The following MYH3 variants were observed in gnomAD, a reference collection of about 807,000 sequenced individuals.
The protein encoded by MYH3 is myosin heavy chain 3, also known as myosin-3.
In MYH3, 130 loss-of-function variants were observed where a neutral mutation model predicts 238.0. The observed-to-expected ratio is 0.55, with a 90% CI of 0.47 to 0.63. MYH3 has a LOEUF of 0.63. Among genes scored for constraint, MYH3 ranks in the 30% least tolerant of loss-of-function variants. The probability of loss-of-function intolerance (pLI) is 0.00; values close to 1 mark genes in which losing one functional copy is unlikely to be tolerated. For missense variants in MYH3, 1,853 were observed against 2,374.9 expected, an observed-to-expected ratio of 0.78 and a Z score of 4.57; for synonymous variants, 880 against 924.1, an observed-to-expected ratio of 0.95 and a Z score of 0.86.
At chr17:10,649,152 T>C (rs2142417676) in intron 7 of MYH3, among the ~76,000 whole-genome samples, 1 of 152,352 alleles carries the variant, frequency 6.6e-6, no homozygotes, top group South Asian at 2.1e-4. Context: ...GGCACTACAG[T>C]TGGGGATCTC....
the MYH3 span, among the ~76,000 whole-genome samples, chr17:10,669,528 T>C: frequency 0.21 from 30,807 of 149,706 alleles, 3,382 homozygotes; most frequent in Non-Finnish European, 0.25. Context: ...GACCACGCCA[T>C]TGCCCTCCAG....
intron 7 of MYH3, among the ~76,000 whole-genome samples, chr17:10,649,282 C>T (rs2074352427): frequency 6.6e-6 from 1 of 152,234 alleles, no homozygotes; most frequent in Non-Finnish European, 1.5e-5. Flanking sequence ...GAGTCACTCA[C>T]ATTGGTATAT....
In MYH3 at chr17:10,631,639, T is replaced by TCAG; in HGVS notation, c.5255_5257dup (p.Ala1752dup). 1 of 1,614,184 alleles carries TCAG rather than the reference T, an allele frequency of 6.2e-7. No individual in the cohort carries two copies. The highest frequency in any genetic ancestry group is 8.5e-7 in the Non-Finnish European group (1 of 1,180,028). ...CGTGATGGCCTTCTTGGCCTTCTCC[T>TCAG]CAGCGTTCCTTGCATCCCTGCTGGC... On this transcript the variant is annotated inframe_insertion, in exon 36 of 41. Coordinates refer to ENST00000583535, the MANE Select transcript of MYH3 (RefSeq NM_002470.4).
chr17:10,641,678 C>A (rs553261705), intron 17 of MYH3, among the ~76,000 whole-genome samples: 21 of 152,178 alleles, frequency 1.4e-4, no homozygotes, highest in African/African-American at 4.1e-4. Context: ...CCACACCTGG[C>A]TAATTTTTCA....
chr17:10,639,482 G>T lies in MYH3; in HGVS notation c.2926-8C>A, dbSNP rs188588330. On this transcript the variant is annotated splice_polypyrimidine_tract_variant and splice_region_variant and intron_variant, in intron 23 of 40. Coordinates refer to ENST00000583535, the MANE Select transcript of MYH3 (RefSeq NM_002470.4). ...CTCAGTAAGGTTTTTAACCTAAGAA[G>T]AATTCGCAAGCAATTATAAGCTTAA... 3 of 1,614,004 alleles carry T rather than the reference G, an allele frequency of 1.9e-6. No individual in the cohort carries two copies. The highest frequency in any genetic ancestry group is 2.2e-5 in the South Asian group (2 of 91,076).
At chr17:10,653,421 C>T (rs2074397985) in intron 3 of MYH3, among the ~76,000 whole-genome samples, 1 of 152,134 alleles carries the variant, frequency 6.6e-6, no homozygotes, top group African/African-American at 2.4e-5. Context: ...CCCACCTCTT[C>T]CCCCTTCACC....
rs530517691 is a variant in MYH3, at chr17:10,642,121, C to T, written c.1959+119G>A. ...ATCATCTGTCACTTCACCTCAGTGA[C>T]AGTAATCAGATTAAGACAACACTAC... On this transcript the variant is annotated intron_variant, in intron 17 of 40. Coordinates refer to ENST00000583535, the MANE Select transcript of MYH3 (RefSeq NM_002470.4). This position sits in a 1 kb window ranked among gnomAD's most constrained non-coding sequence, Gnocchi z 5.4. 1.2e-6 allele frequency: 1 copy of T among 813,874 alleles called. No homozygotes were observed. The highest frequency in any genetic ancestry group is 2.2e-5 in the Admixed American group (1 of 44,868). The allele number at this position is 813,874 out of a possible 1,614,324, so 50.4% of individuals were successfully genotyped here. A position where few individuals can be genotyped will look rare whatever the true frequency, so the allele number is the denominator to read the frequency against.
Position 10,654,999 on chromosome 17 carries a change from CT to C in MYH3, c.65del (p.Lys22ArgfsTer59). The C allele has an allele frequency of 6.2e-7, 1 of 1,614,210 alleles. No homozygotes were observed. The highest frequency in any genetic ancestry group is 8.5e-7 in the Non-Finnish European group (1 of 1,180,032). ...IAAPFLRKSE[K>X]ERIEAQNQPF... ...GCTGGTTCTGAGCCTCGATCCTCTC[CT>C]TTTCTGACTTCCGGAGGAAAGGAGC... On this transcript the variant is annotated frameshift_variant, in exon 3 of 41. Transcript: ENST00000583535. LOFTEE classifies it high-confidence loss of function. This position sits in a 1 kb window ranked among gnomAD's most constrained non-coding sequence, Gnocchi z 4.5.
chr17:10,672,229 G>A, the MYH3 span, among the ~76,000 whole-genome samples: 3 of 152,078 alleles, frequency 2.0e-5, no homozygotes, highest in Admixed American at 6.5e-5. Context: ...TAATAATCTT[G>A]ATCATCATAC....
intron 7 of MYH3, 30 bp downstream of exon 7, chr17:10,649,547 G>A (rs1479063820): frequency 1.3e-6 from 2 of 1,565,656 alleles, no homozygotes; most frequent in Admixed American, 1.7e-5. Context: ...AAAAGTGGAA[G>A]CAAAGCAAGC....
rs755609174 is a variant in MYH3, at chr17:10,644,393, G to A, written c.1368C>T (p.His456=). 2 of 1,614,114 alleles carry A rather than the reference G, an allele frequency of 1.2e-6. No homozygotes were observed. The highest frequency in any genetic ancestry group is 1.7e-5 in the Admixed American group (1 of 60,028). The change falls in exon 14 of 41, where the codon CAC becomes CAT. Residue 456 remains histidine, a synonymous_variant. Coordinates refer to ENST00000583535, the MANE Select transcript of MYH3 (RefSeq NM_002470.4). ...CTGCAATGTCCAAAACACCAATGAA[G>A]TGTTGTCTTGGAAGCTTCGTATCCA... ...QQLDTKLPRQ[H]FIGVLDIAGF...
At chr17:10,648,683 A>ACT (rs2074346287) in intron 7 of MYH3, 34 bp from the exon 8 acceptor site, 1 of 1,396,210 alleles carries the variant, frequency 7.2e-7, no homozygotes, top group African/African-American at 1.4e-5. Context: ...AAGAGGAAAC[A>ACT]TTTTTTTTTG....
rs552501098 is a variant in MYH3 at position 10,631,611 on chromosome 17, G to A, written c.5286C>T (p.Asp1762=). Residue 1762 remains aspartate, a splice_region_variant and synonymous_variant, in exon 36 of 41, where the codon GAC becomes GAT. Transcript: ENST00000583535. The stretch of plus-strand genomic sequence containing the variant: ...GGGCAGCAGGAAGGAGACGCCTTAC[G>A]TCCGTGATGGCCTTCTTGGCCTTCT... ...AEEKAKKAIT[D]AAMMAEELKK... The A allele has an allele frequency of 1.1e-5, 17 of 1,614,050 alleles. No individual in the cohort carries two copies. Among genetic ancestry groups the A allele is most frequent in the African/African-American group, 1.3e-5 (1 of 74,924 alleles).
At position 10,639,153 on chromosome 17, in the gene MYH3, C is replaced by T. The variant is rs542491960; in HGVS notation, c.3139G>A (p.Val1047Ile). The T allele has an allele frequency of 5.6e-5, 90 of 1,614,140 alleles. No individual in the cohort carries two copies. In the Admixed American group the frequency reaches 8.7e-4, roughly 16 times the overall value. ...SSLEQEKKLR[V>I]DLERNKRKLE... is the part of the protein sequence containing the mutation. Reference sequence around the variant, plus strand: ...TTCCTTTTGTTCCTTTCCAGGTCTACTCGGAGCTTCTTTTCTTGTTCTAGG... The same window carrying T: ...TTCCTTTTGTTCCTTTCCAGGTCTATTCGGAGCTTCTTTTCTTGTTCTAGG... The change falls in exon 25 of 41, where the codon GTA (valine) becomes ATA (isoleucine). Residue 1047 changes from valine (V) to isoleucine (I), a missense_variant. Val to Ile is a conservative substitution (Grantham distance 29). Transcript: ENST00000583535.
Position 10,646,039 on chromosome 17 carries a change from T to C in MYH3, c.899-7A>G, listed in dbSNP as rs988108962. 2 of 1,609,488 alleles carry C rather than the reference T, an allele frequency of 1.2e-6. No individual in the cohort carries two copies. Among genetic ancestry groups the C allele is most frequent in the African/African-American group, 2.7e-5 (2 of 74,882 alleles). ...GTCGTAATAAGCAGCAGCTCTGAAA[T>C]GACAAATAGTTCCAGGAGGTTATGC... On this transcript the variant is annotated splice_region_variant and splice_polypyrimidine_tract_variant and intron_variant, in intron 10 of 40. Coordinates refer to ENST00000583535, the MANE Select transcript of MYH3 (RefSeq NM_002470.4).
Position 10,638,092 on chromosome 17 carries a change from A to C in MYH3, c.3680T>G (p.Leu1227Arg), listed in dbSNP as rs1244844447. The C allele has an allele frequency of 1.9e-6, 3 of 1,613,612 alleles. No homozygotes were observed. ...KLEKEKSEFK[L>R]EIDDLSSSME... ...GCTGCTGGAGAGGTCATCGATCTCC[A>C]GCTTGAACTCGCTCTTCTCCTTCTC... Residue 1227 changes from leucine (L) to arginine (R), a missense_variant, in exon 27 of 41, where the codon CTG becomes CGG. Physicochemically the swap from Leu to Arg is moderately radical, Grantham distance 102. Around this residue, in one of 3 missense-constraint regions of MYH3, gnomAD observed 1,044 missense variants for 1,192.6 expected, o/e 0.88. Transcript: ENST00000583535.
In MYH3 at chr17:10,644,599, A is replaced by G. The variant is rs140610937; in HGVS notation, c.1245T>C (p.Gly415=). The G allele has an allele frequency of 1.8e-4, 290 of 1,614,134 alleles. No individual in the cohort carries two copies. Among genetic ancestry groups the G allele is most frequent in the Non-Finnish European group, 2.3e-4 (266 of 1,179,972 alleles). The change falls in exon 13 of 41, where the codon GGT becomes GGC. Residue 415 remains glycine (G), a synonymous_variant. Transcript: ENST00000583535. ...VKVGNEYVTK[G]QTVDQVHHAV... ...AAGCTGTTACCTGATCCACAGTTTG[A>G]CCTTTGGTAACGTACTCATTCCCAA...
rs764425505 is a variant in MYH3, at chr17:10,645,929, G to A, written c.1002C>T (p.Asp334=). The A allele has an allele frequency of 4.4e-5, 71 of 1,613,750 alleles. No individual in the cohort carries two copies. Among genetic ancestry groups the A allele is most frequent in the Middle Eastern group, 1.6e-4 (1 of 6,082 alleles). The change falls in exon 11 of 41, where the codon GAC becomes GAT. Residue 334 remains aspartate (D), a splice_region_variant and synonymous_variant. Coordinates refer to ENST00000583535, the MANE Select transcript of MYH3 (RefSeq NM_002470.4). ...IDDAEELLAT[D]SAIDILGFTP... ...CACCCCTTCTGTTGGTTCCACTTAC[G>A]TCTGTAGCCAGCAGCTCCTCTGCAT...
In MYH3 at chr17:10,639,522, T is replaced by A. The variant is rs779892217; in HGVS notation, c.2925+38A>T. 5 of 1,614,096 alleles carry A rather than the reference T, an allele frequency of 3.1e-6. No individual in the cohort carries two copies. In the Admixed American group the frequency reaches 8.3e-5, roughly 27 times the overall value. On this transcript the variant is annotated intron_variant, in intron 23 of 40. Transcript: ENST00000583535. Reference sequence around the variant, plus strand: ...TATAAGCTTAAAGTTTAGTTTGCAATGACTATATCAAGCTAGACACACCTA... The same window carrying A: ...TATAAGCTTAAAGTTTAGTTTGCAAAGACTATATCAAGCTAGACACACCTA...
Sources: gnomAD v4.1 joint callset for allele counts (sites outside exome capture counted in the v4.1 genomes callset) on GRCh38, gnomAD v4.1.1 for gene constraint, gnomAD v4.1.1 regional missense constraint, Gnocchi (gnomAD v3.1) non-coding constraint, MANE v1.5 for transcripts, NCBI Gene and HGNC (gene_info 2026-07-23, HGNC 2026-07-21) for gene names.